The following BRINP2 variants were observed in gnomAD, a reference collection of about 807,000 sequenced individuals.
BRINP2 encodes the protein BMP/retinoic acid-inducible neural-specific protein 2.
Under a neutral mutation model 69.2 loss-of-function variants are expected in BRINP2, and 21 were observed. That is an observed-to-expected ratio of 0.30 (90% confidence interval 0.22 to 0.44). The LOEUF (loss-of-function observed/expected upper bound fraction) is 0.44, where lower values mean the gene tolerates loss of function less well. Ranked by LOEUF, BRINP2 falls within the 20% of genes least tolerant of loss-of-function variation. BRINP2 has a pLI of 1.00. For missense variants in BRINP2, 877 were observed against 986.0 expected, an observed-to-expected ratio of 0.89 and a Z score of 1.48; for synonymous variants, 380 against 394.1, an observed-to-expected ratio of 0.96 and a Z score of 0.42.
chr1:177,174,657 A>G (rs1202207134), intron 1 of BRINP2, among the ~76,000 whole-genome samples: 1 of 152,246 alleles, frequency 6.6e-6, no homozygotes, highest in African/African-American at 2.4e-5. Flanking sequence ...TCTAGCTGAC[A>G]GAAATAATAA....
chr1:177,246,578 A>G (rs1315583312), intron 2 of BRINP2, among the ~76,000 whole-genome samples: 1 of 152,204 alleles, frequency 6.6e-6, no homozygotes, highest in Non-Finnish European at 1.5e-5. Context: ...AGTCCTTTTG[A>G]GCAATAAAAG....
intron 1 of BRINP2, among the ~76,000 whole-genome samples, chr1:177,173,194 A>G (rs1470204608): frequency 1.3e-5 from 2 of 152,326 alleles, no homozygotes; most frequent in East Asian, 3.9e-4. Flanking sequence ...TGCAGCACTG[A>G]GGGCATGACC....
intron 3 of BRINP2, 78 bp downstream of exon 3, chr1:177,256,187 C>G (rs1650750156): frequency 1.3e-6 from 2 of 1,512,736 alleles, no homozygotes; most frequent in Non-Finnish European, 1.8e-6. Flanking sequence ...AGCGTAGCTC[C>G]AACAGTCTTA....
At chr1:177,225,329 A>G (rs1649664370) in intron 1 of BRINP2, among the ~76,000 whole-genome samples, 1 of 152,242 alleles carries the variant, frequency 6.6e-6, no homozygotes, top group Non-Finnish European at 1.5e-5. Context: ...GTGCAAAGCT[A>G]ATTTATTATT....
intron 2 of BRINP2, among the ~76,000 whole-genome samples, chr1:177,237,512 T>A (rs752486928): frequency 2.7e-4 from 41 of 152,224 alleles, no homozygotes; most frequent in Non-Finnish European, 4.7e-4. Context: ...CCACACATTT[T>A]CCCATGTCTT....
chr1:177,278,037 TG>T (rs1467007694), intron 6 of BRINP2, among the ~76,000 whole-genome samples: 1 of 152,030 alleles, frequency 6.6e-6, no homozygotes, highest in Non-Finnish European at 1.5e-5. Context: ...GAGGAGGACA[TG>T]GGTGGGAGAG....
intron 4 of BRINP2, among the ~76,000 whole-genome samples, chr1:177,258,427 G>A (rs976001969): frequency 6.6e-5 from 10 of 152,290 alleles, no homozygotes; most frequent in East Asian, 1.9e-4. Context: ...GAGAATACAA[G>A]AATGAACAAA....
chr1:177,179,606 C>CTCACACACACACTCTTTCTG (rs1648190581), intron 1 of BRINP2, among the ~76,000 whole-genome samples: 1 of 152,158 alleles, frequency 6.6e-6, no homozygotes, highest in African/African-American at 2.4e-5. Context: ...CACTCTTTCT[C>CTCACACACACACTCTTTCTG]TCACACACAC....
chr1:177,279,440 A>T (rs903257457), intron 7 of BRINP2, among the ~76,000 whole-genome samples: 6 of 152,250 alleles, frequency 3.9e-5, no homozygotes, highest in African/African-American at 1.2e-4. Flanking sequence ...AGTCTCCTAG[A>T]GGTAAAACCA....
intron 1 of BRINP2, among the ~76,000 whole-genome samples, chr1:177,193,034 T>A (rs1648637047): frequency 6.6e-6 from 1 of 152,138 alleles, no homozygotes; most frequent in African/African-American, 2.4e-5. Context: ...CCACTACCCA[T>A]GAGGGGTAGA....
chr1:177,252,943 A>G (rs1650629261), intron 2 of BRINP2, among the ~76,000 whole-genome samples: 1 of 151,992 alleles, frequency 6.6e-6, no homozygotes, highest in Admixed American at 6.6e-5. Context: ...TGTGTATATC[A>G]TCAGTTTATG....
Position 177,259,645 on chromosome 1 carries a change from C to G in BRINP2, c.669+2261C>G, listed in dbSNP as rs139539227. On this transcript the variant is annotated intron_variant, in intron 4 of 7. Coordinates refer to ENST00000361539, the MANE Select transcript of BRINP2 (RefSeq NM_021165.4). The stretch of plus-strand genomic sequence containing the variant: ...TATAGCTGGTCACTTTAAATTGAAG[C>G]CAAGACTCATTTAGCATTCTGAAAA... Among the ~76,000 whole-genome samples the G allele has an allele frequency of 4.4e-3, 670 of 152,262 alleles. 7 individuals are homozygous for G. Among genetic ancestry groups the G allele is most frequent in the African/African-American group, 0.015 (633 of 41,542 alleles).
At chr1:177,177,821 G>A (rs571679897) in intron 1 of BRINP2, among the ~76,000 whole-genome samples, 5 of 152,268 alleles carry the variant, frequency 3.3e-5, no homozygotes, top group Admixed American at 6.5e-5. Context: ...CATAGTTTCA[G>A]GCACATTGTA....
At chr1:177,210,193 A>G (rs1453676468) in intron 1 of BRINP2, among the ~76,000 whole-genome samples, 2 of 152,208 alleles carry the variant, frequency 1.3e-5, no homozygotes, top group East Asian at 3.8e-4. Context: ...TAACAAGTTA[A>G]TATTTATCTA....
chr1:177,277,168 T>C (rs949735583), intron 6 of BRINP2, among the ~76,000 whole-genome samples: 32 of 148,530 alleles, frequency 2.2e-4, no homozygotes, highest in Admixed American at 2.1e-3. Flanking sequence ...TATATATATA[T>C]TTATATAATG....
At chr1:177,253,158 C>A (rs1049142817) in intron 2 of BRINP2, among the ~76,000 whole-genome samples, 2 of 152,010 alleles carry the variant, frequency 1.3e-5, no homozygotes, top group African/African-American at 4.8e-5. Context: ...ATTTACACTC[C>A]CACCAACAGT....
At chr1:177,227,517 A>G (rs1418133038) in intron 1 of BRINP2, among the ~76,000 whole-genome samples, 2 of 152,160 alleles carry the variant, frequency 1.3e-5, no homozygotes. Context: ...ATTACATGAG[A>G]AATATTTTGG....
rs750430809 is a variant in BRINP2 at position 177,280,859 on chromosome 1, T to A, written c.1683T>A (p.Pro561=). 5.0e-6 allele frequency: 8 copies of A among 1,614,158 alleles called. No individual in the cohort carries two copies. Among genetic ancestry groups the A allele is most frequent in the Non-Finnish European group, 6.8e-6 (8 of 1,180,002 alleles). Residue 561 remains proline, a synonymous_variant, in exon 8 of 8, where the codon CCT becomes CCA. Transcript: ENST00000361539. ...CCCTGAAGAGCAACAAGTACAAGCCTGGGCTGGTGCACGTGATGTTGGCCT... is the reference window on the plus strand; with the variant it reads ...CCCTGAAGAGCAACAAGTACAAGCCAGGGCTGGTGCACGTGATGTTGGCCT... ...LLTLKSNKYK[P]GLVHVMLALS...
chr1:177,257,926 C>A (rs917734557), intron 4 of BRINP2, among the ~76,000 whole-genome samples: 1 of 152,164 alleles, frequency 6.6e-6, no homozygotes, highest in African/African-American at 2.4e-5. Context: ...AGGAACCAGC[C>A]TGGTGCCTTG....
Sources: allele counts gnomAD v4.1 joint callset (sites outside exome capture counted in the v4.1 genomes callset), GRCh38; gene constraint gnomAD v4.1.1; transcripts MANE v1.5; gene names NCBI Gene and HGNC (gene_info 2026-07-23, HGNC 2026-07-21).